Variants in QTMAN observed in about 807,000 individuals in gnomAD.
The protein encoded by QTMAN is tRNA-queuosine alpha-mannosyltransferase.
At chr2:144,274,083 G>A in the QTMAN span, among the ~76,000 whole-genome samples, 7 of 152,082 alleles carry the variant, frequency 4.6e-5, no homozygotes, top group Non-Finnish European at 7.4e-5. Context: ...GCAGTAGGCC[G>A]AGATCACGCC....
chr2:144,276,641 T>C, the QTMAN span, among the ~76,000 whole-genome samples: 1 of 152,216 alleles, frequency 6.6e-6, no homozygotes, highest in Admixed American at 6.5e-5. Flanking sequence ...AAAATATATA[T>C]TGTATGTGCT....
At chr2:144,041,873 G>C in the QTMAN span, among the ~76,000 whole-genome samples, 1 of 152,186 alleles carries the variant, frequency 6.6e-6, no homozygotes, top group Non-Finnish European at 1.5e-5. Context: ...TAAAGGAGTA[G>C]AGAGGAAGGT....
At chr2:144,214,748 T>C in the QTMAN span, among the ~76,000 whole-genome samples, 2 of 152,214 alleles carry the variant, frequency 1.3e-5, no homozygotes, top group Non-Finnish European at 2.9e-5. Flanking sequence ...CAAGATTTGG[T>C]AGGAAAACTC....
chr2:144,231,811 T>C, the QTMAN span, among the ~76,000 whole-genome samples: 1 of 151,374 alleles, frequency 6.6e-6, no homozygotes, highest in African/African-American at 2.4e-5. Context: ...TAATATGCAA[T>C]AAACATTATT....
chr2:143,984,770 T>C, the QTMAN span, among the ~76,000 whole-genome samples: 5 of 152,124 alleles, frequency 3.3e-5, no homozygotes, highest in African/African-American at 1.2e-4. Flanking sequence ...GAGACTATGG[T>C]CAGAGAGGAG....
At chr2:144,019,435 G>GGGGTGTGTGTGTGTGTGTGTGTGTGT in the QTMAN span, among the ~76,000 whole-genome samples, 2 of 117,274 alleles carry the variant, frequency 1.7e-5, no homozygotes, top group South Asian at 3.6e-4. Flanking sequence ...TAAGCATGCA[G>GGGGTGTGTGTGTGTGTGTGTGTGTGT]GTGTGTGTGT....
At chr2:144,212,613 G>A in the QTMAN span, among the ~76,000 whole-genome samples, 1 of 152,152 alleles carries the variant, frequency 6.6e-6, no homozygotes, top group Admixed American at 6.5e-5. Flanking sequence ...GCTCAGAATA[G>A]TATTATATGA....
At chr2:143,942,109 AATG>A in the QTMAN span, 1 of 165,848 alleles carries the variant, frequency 6.0e-6, no homozygotes, top group African/African-American at 2.5e-5. Context: ...AAATGCAGTA[AATG>A]CAGTAATAGG....
the QTMAN span, among the ~76,000 whole-genome samples, chr2:144,294,925 G>A: frequency 2.0e-5 from 3 of 152,150 alleles, no homozygotes; most frequent in African/African-American, 7.2e-5. Context: ...CTAGTTAGGG[G>A]ATTAAAGGAC....
the QTMAN span, among the ~76,000 whole-genome samples, chr2:144,200,460 T>A: frequency 1.3e-5 from 2 of 152,206 alleles, no homozygotes; most frequent in Non-Finnish European, 2.9e-5. Flanking sequence ...CTCAGCCATG[T>A]TGGAAAAACA....
chr2:144,015,380 T>C, the QTMAN span, among the ~76,000 whole-genome samples: 3 of 152,178 alleles, frequency 2.0e-5, no homozygotes, highest in Non-Finnish European at 4.4e-5. Flanking sequence ...AAGCATTCTC[T>C]GCCCACTGGT....
the QTMAN span, among the ~76,000 whole-genome samples, chr2:144,078,384 T>G: frequency 6.6e-6 from 1 of 152,186 alleles, no homozygotes; most frequent in Admixed American, 6.5e-5. Context: ...TAAGAAACAT[T>G]CCTTCTGTTA....
At chr2:144,215,642 T>G in the QTMAN span, among the ~76,000 whole-genome samples, 1 of 152,188 alleles carries the variant, frequency 6.6e-6, no homozygotes, top group Admixed American at 6.5e-5. Context: ...ATTAATTCCA[T>G]GAATGATTTC....
At chr2:144,027,401 ATTCTGGGCACAATTT>A in the QTMAN span, among the ~76,000 whole-genome samples, 1 of 152,200 alleles carries the variant, frequency 6.6e-6, no homozygotes, top group Non-Finnish European at 1.5e-5. Context: ...CTCACCATTC[ATTCTGGGCACAATTT>A]TATAAAAATA....
the QTMAN span, among the ~76,000 whole-genome samples, chr2:144,206,127 A>G: frequency 6.6e-6 from 1 of 152,324 alleles, no homozygotes; most frequent in East Asian, 1.9e-4. Context: ...GCAACAATAC[A>G]TGTTCAGAAG....
the QTMAN span, among the ~76,000 whole-genome samples, chr2:144,039,036 C>G: frequency 6.6e-6 from 1 of 152,040 alleles, no homozygotes; most frequent in Admixed American, 6.5e-5. Flanking sequence ...TTAGTTTTAG[C>G]CCATTTTTCA....
chr2:144,305,876 C>T, the QTMAN span, among the ~76,000 whole-genome samples: 3 of 152,070 alleles, frequency 2.0e-5, no homozygotes, highest in East Asian at 5.8e-4. Context: ...TATAGAAATA[C>T]AATTGATTTC....
the QTMAN span, among the ~76,000 whole-genome samples, chr2:144,205,610 T>C: frequency 2.6e-5 from 4 of 152,182 alleles, no homozygotes; most frequent in African/African-American, 9.6e-5. Flanking sequence ...AAGTGGGCAA[T>C]GATCAGTATC....
chr2:144,055,310 A>C, the QTMAN span, among the ~76,000 whole-genome samples: 3 of 147,076 alleles, frequency 2.0e-5, no homozygotes, highest in Admixed American at 1.4e-4. Flanking sequence ...CCTGAAATGG[A>C]ACACACACAC....
Sources: allele counts gnomAD v4.1 joint callset (sites outside exome capture counted in the v4.1 genomes callset), GRCh38; gene constraint gnomAD v4.1.1; transcripts MANE v1.5; gene names NCBI Gene and HGNC (gene_info 2026-07-23, HGNC 2026-07-21).